TAF4B: variants seen among roughly 807,000 people sequenced by gnomAD.
TAF4B encodes TATA-box binding protein associated factor 4b, also known as transcription initiation factor TFIID subunit 4B.
In TAF4B, 38 loss-of-function variants were observed where a neutral mutation model predicts 86.4. The ratio of observed to expected loss-of-function variants is 0.44; its 90% CI spans 0.34 to 0.58. The LOEUF is 0.58. Among genes scored for constraint, TAF4B ranks in the 20% least tolerant of loss-of-function variants. The probability of loss-of-function intolerance (pLI) is 0.02; values close to 1 mark genes in which losing one functional copy is unlikely to be tolerated. For missense variants in TAF4B, 988 were observed against 1,027.6 expected, an observed-to-expected ratio of 0.96 and a Z score of 0.53; for synonymous variants, 388 against 391.2, an observed-to-expected ratio of 0.99 and a Z score of 0.10.
chr18:26,236,250 A>G (rs1208939546), intron 1 of TAF4B, among the ~76,000 whole-genome samples: 1 of 152,216 alleles, frequency 6.6e-6, no homozygotes, highest in African/African-American at 2.4e-5. Flanking sequence ...TCTCCCAATT[A>G]CAACTGAGAA....
Position 26,227,140 on chromosome 18 carries a change from G to C in TAF4B, c.207G>C (p.Leu69=). ...SQPLRSPVGT[L]VTKVAPVSAP... ...CCCTGCGGTCCCCCGTGGGGACCCTGGTGACCAAAGTGGCTCCGGTCAGCG... is the reference window on the plus strand; with the variant it reads ...CCCTGCGGTCCCCCGTGGGGACCCTCGTGACCAAAGTGGCTCCGGTCAGCG... The change falls in exon 1 of 15, where the codon CTG becomes CTC. Residue 69 remains leucine (L), a synonymous_variant. Coordinates refer to ENST00000269142, the MANE Select transcript of TAF4B (RefSeq NM_005640.3). 1 of 1,613,940 alleles carries C rather than the reference G, an allele frequency of 6.2e-7. No individual in the cohort carries two copies. Among genetic ancestry groups the C allele is most frequent in the Non-Finnish European group, 8.5e-7 (1 of 1,179,938 alleles).
chr18:26,240,294 C>T (rs1348754089), intron 1 of TAF4B, among the ~76,000 whole-genome samples: 1 of 152,150 alleles, frequency 6.6e-6, no homozygotes, highest in Non-Finnish European at 1.5e-5. Flanking sequence ...TGAAGAGGTC[C>T]TTCACGTCCC....
At chr18:26,369,774 ATCTC>A (rs1208589025) in intron 14 of TAF4B, among the ~76,000 whole-genome samples, 4 of 152,232 alleles carry the variant, frequency 2.6e-5, no homozygotes, top group African/African-American at 9.6e-5. Flanking sequence ...ACATGGCCAA[ATCTC>A]TGGTAATGCC....
chr18:26,347,040 C>A (rs2057204794), intron 13 of TAF4B, among the ~76,000 whole-genome samples: 1 of 148,592 alleles, frequency 6.7e-6, no homozygotes. Context: ...CCTGCGTCAG[C>A]CTCCCAAGTA....
rs149516427 is a variant in TAF4B, at chr18:26,348,025, A to G, written c.2317-9665A>G. 2.0e-3 allele frequency among the ~76,000 whole-genome samples: 309 copies of G among 152,328 alleles called. 1 individual carries two copies. Among genetic ancestry groups the G allele is most frequent in the African/African-American group, 7.2e-3 (299 of 41,592 alleles). On this transcript the variant is annotated intron_variant, in intron 13 of 14. Transcript: ENST00000269142. ...GGACAGATCATGTAGACAGAAAATC[A>G]ACGAAGAAACATTGGATTTAAACTG...
At chr18:26,230,806 T>G (rs1329343667) in intron 1 of TAF4B, among the ~76,000 whole-genome samples, 1 of 152,064 alleles carries the variant, frequency 6.6e-6, no homozygotes, top group African/African-American at 2.4e-5. Context: ...GCCTAGTGAG[T>G]TGTGCACGAA....
chr18:26,343,640 G>A (rs2057153601), intron 13 of TAF4B, among the ~76,000 whole-genome samples: 3 of 152,160 alleles, frequency 2.0e-5, no homozygotes, highest in African/African-American at 7.2e-5. Context: ...AGTTGACATA[G>A]GTTTGAAGTG....
chr18:26,380,135 C>G (rs548477181), intron 14 of TAF4B, among the ~76,000 whole-genome samples: 1 of 152,168 alleles, frequency 6.6e-6, no homozygotes, highest in Admixed American at 6.5e-5. Flanking sequence ...AATCTTTATG[C>G]TTTTTATTTT....
chr18:26,294,786 G>A (rs1323457235), intron 9 of TAF4B, among the ~76,000 whole-genome samples: 2 of 150,040 alleles, frequency 1.3e-5, no homozygotes, highest in South Asian at 2.1e-4. Flanking sequence ...TTTTTACATA[G>A]GTAATAGATG....
intron 2 of TAF4B, chr18:26,266,123 G>A (rs544231855): frequency 2.6e-5 from 4 of 151,794 alleles, no homozygotes; most frequent in Admixed American, 6.6e-5. Context: ...ATTCTTTTTT[G>A]TTTTTTGAGA....
At chr18:26,277,696 T>C (rs1294543725) in intron 5 of TAF4B, among the ~76,000 whole-genome samples, 1 of 152,212 alleles carries the variant, frequency 6.6e-6, no homozygotes, top group Non-Finnish European at 1.5e-5. Context: ...GGATATTCTT[T>C]AGAGTCTACT....
At chr18:26,255,976 A>G in intron 1 of TAF4B, 1 of 1,317,186 alleles carries the variant, frequency 7.6e-7, no homozygotes, top group Non-Finnish European at 1.1e-6. Context: ...GCTGGGAGGC[A>G]CTGGAGGTGG....
At position 26,292,339 on chromosome 18, in the gene TAF4B, A is replaced by T. The variant is rs201740496; in HGVS notation, c.1684A>T (p.Met562Leu). The stretch of plus-strand genomic sequence containing the variant: ...CATTCAGAAATGTGGACAGAAGACG[A>T]TGCCAGTGAACACCATAATACCTAC... The part of the protein sequence containing the change: ...LTIQKCGQKT[M>L]PVNTIIPTSQ... Residue 562 changes from methionine to leucine, a missense_variant, in exon 8 of 15, where the codon ATG (methionine) becomes TTG (leucine). Physicochemically the swap from Met to Leu is conservative, Grantham distance 15. This residue lies in a region of TAF4B where 747 missense variants were observed against 737.9 expected (regional missense o/e 1.01). Coordinates refer to ENST00000269142, the MANE Select transcript of TAF4B (RefSeq NM_005640.3). 2 of 1,614,210 alleles carry T rather than the reference A, an allele frequency of 1.2e-6. No homozygotes were observed. The highest frequency in any genetic ancestry group is 2.2e-5 in the South Asian group (2 of 91,078).
At chr18:26,379,672 G>T (rs180931984) in intron 14 of TAF4B, among the ~76,000 whole-genome samples, 1 of 151,936 alleles carries the variant, frequency 6.6e-6, no homozygotes, top group Non-Finnish European at 1.5e-5. Flanking sequence ...GCTATTCTGT[G>T]TCCTTTGTAT....
intron 13 of TAF4B, chr18:26,348,611 C>G (rs2057219782): frequency 6.5e-6 from 1 of 153,594 alleles, no homozygotes; most frequent in African/African-American, 2.4e-5. Flanking sequence ...GGAGAGACAC[C>G]TTACAAATGT....
At chr18:26,280,171 G>A (rs914958952) in intron 5 of TAF4B, among the ~76,000 whole-genome samples, 3 of 152,090 alleles carry the variant, frequency 2.0e-5, no homozygotes, top group Non-Finnish European at 4.4e-5. Context: ...AACTTGAGAT[G>A]GATTAAAGAT....
chr18:26,388,721 G>T (rs1978525790), intron 14 of TAF4B, among the ~76,000 whole-genome samples: 1 of 152,222 alleles, frequency 6.6e-6, no homozygotes, highest in South Asian at 2.1e-4. Context: ...AGTGAGGTTA[G>T]AGCGAAGGAA....
At position 26,335,193 on chromosome 18, in the gene TAF4B, G is replaced by A; in HGVS notation, c.2278G>A (p.Asp760Asn). 1.3e-6 allele frequency: 2 copies of A among 1,536,640 alleles called. No homozygotes were observed. The highest frequency in any genetic ancestry group is 1.8e-6 in the Non-Finnish European group (2 of 1,114,758). The change falls in exon 13 of 15, where the codon GAT becomes AAT. Residue 760 changes from aspartate to asparagine, a missense_variant. Asp to Asn is a conservative substitution (Grantham distance 23). Coordinates refer to ENST00000269142, the MANE Select transcript of TAF4B (RefSeq NM_005640.3). ...KAAKSRSNKEDPEQLRLKQKA... is the reference protein window; with the variant it reads ...KAAKSRSNKENPEQLRLKQKA... ...TTGATAGAGTCGTTCTAATAAAGAA[G>A]ATCCAGAACAGCTGAGATTAAAGCA...
intron 1 of TAF4B, among the ~76,000 whole-genome samples, chr18:26,257,062 A>C (rs922356001): frequency 6.6e-6 from 1 of 152,122 alleles, no homozygotes; most frequent in Non-Finnish European, 1.5e-5. Context: ...TAAGAATGCT[A>C]TTGTTGTTAG....
Sources: gnomAD v4.1 joint callset for allele counts (sites outside exome capture counted in the v4.1 genomes callset) on GRCh38, gnomAD v4.1.1 for gene constraint, gnomAD v4.1.1 regional missense constraint, MANE v1.5 for transcripts, NCBI Gene and HGNC (gene_info 2026-07-23, HGNC 2026-07-21) for gene names.